The following AMOTL1 variants were observed in gnomAD, a reference collection of about 807,000 sequenced individuals.
AMOTL1 encodes angiomotin like 1.
A neutral mutation model predicts 102.9 loss-of-function variants in AMOTL1; 45 were observed. The observed-to-expected ratio is 0.44, with a 90% CI of 0.34 to 0.56. The LOEUF is 0.56. Ranked by LOEUF, AMOTL1 falls within the 20% of genes least tolerant of loss-of-function variation. The pLI, the probability that AMOTL1 is intolerant of heterozygous loss-of-function variation, is 0.01. For missense variants in AMOTL1, 1,114 were observed against 1,225.6 expected, an observed-to-expected ratio of 0.91 and a Z score of 1.36; for synonymous variants, 481 against 484.7, an observed-to-expected ratio of 0.99 and a Z score of 0.10.
At chr11:94,765,761 C>T (rs1950848042), upstream of AMOTL1, among the ~76,000 whole-genome samples, 1 of 152,212 alleles carries the variant, frequency 6.6e-6, no homozygotes, top group Admixed American at 6.5e-5. Flanking sequence ...TTTCCCAGCT[C>T]TTCTACTTCT....
chr11:94,768,963 C>T (rs970734450), intron 1 of AMOTL1, among the ~76,000 whole-genome samples: 2 of 152,052 alleles, frequency 1.3e-5, no homozygotes, highest in East Asian at 2.0e-4. Flanking sequence ...GCAGCTTTCC[C>T]CGGCGCGAGA....
At chr11:94,854,179 C>T (rs946448428) in intron 8 of AMOTL1, 97 bp downstream of exon 8, 1 of 1,399,828 alleles carries the variant, frequency 7.1e-7, no homozygotes, top group Admixed American at 3.0e-5. Context: ...ACCTTGCTCC[C>T]AGGATTCAGA....
At chr11:94,708,340 C>T (rs549912270) in intron 1 of AMOTL1, among the ~76,000 whole-genome samples, 95 of 152,200 alleles carry the variant, frequency 6.2e-4, no homozygotes, top group Admixed American at 5.0e-3. Context: ...GGCCAGAATG[C>T]GAGAGGATAG....
chr11:94,787,401 A>C lies in AMOTL1; in HGVS notation c.50-7610A>C, dbSNP rs550378162. Among the ~76,000 whole-genome samples the C allele has an allele frequency of 2.0e-5, 3 of 152,262 alleles. No individual in the cohort carries two copies. In the South Asian group the frequency reaches 6.2e-4, roughly 32 times the overall value. On this transcript the variant is annotated intron_variant, in intron 1 of 12. Transcript: ENST00000433060. ...TACATGAGTTACTATAATTCCAGGC[A>C]GATAGTGCTAAGTCATGTAGTACTT...
At chr11:94,717,837 A>G (rs1253694275) in intron 1 of AMOTL1, among the ~76,000 whole-genome samples, 1 of 151,892 alleles carries the variant, frequency 6.6e-6, no homozygotes, top group Non-Finnish European at 1.5e-5. Context: ...AAGAAATTGA[A>G]TAAAAATGGG....
intron 3 of AMOTL1, among the ~76,000 whole-genome samples, chr11:94,748,282 C>G (rs568382921): frequency 2.3e-4 from 35 of 152,324 alleles, no homozygotes; most frequent in African/African-American, 7.9e-4. Context: ...TTCAAGGTGA[C>G]TGTTTCAGCT....
At chr11:94,819,163 T>G (rs1229116501) in intron 3 of AMOTL1, among the ~76,000 whole-genome samples, 1 of 152,216 alleles carries the variant, frequency 6.6e-6, no homozygotes, top group Non-Finnish European at 1.5e-5. Flanking sequence ...CTCATTCATT[T>G]TCTTATAAAA....
At chr11:94,721,484 C>T (rs977513813) in intron 1 of AMOTL1, among the ~76,000 whole-genome samples, 1 of 151,618 alleles carries the variant, frequency 6.6e-6, no homozygotes, top group South Asian at 2.1e-4. Context: ...GGAGGTGGGA[C>T]CTTTGGGAGG....
Position 94,745,787 on chromosome 11 carries a change from A to G in AMOTL1, c.136+4799A>G, listed in dbSNP as rs549137305. 2.0e-5 allele frequency among the ~76,000 whole-genome samples: 3 copies of G among 152,250 alleles called. No homozygotes were observed. The East Asian group carries it at 5.8e-4, about 29-fold the overall frequency. The stretch of plus-strand genomic sequence containing the variant: ...ATTATTATTCATTTAAAACATACTT[A>G]TTTCCCAAGATTGAAGGATAAAATA... On this transcript the variant is annotated intron_variant, in intron 3 of 4. Transcript: ENST00000299004.
chr11:94,813,288 G>T (rs551173594), intron 3 of AMOTL1, among the ~76,000 whole-genome samples: 2 of 152,324 alleles, frequency 1.3e-5, no homozygotes, highest in South Asian at 4.1e-4. Flanking sequence ...AAGTCCAGCA[G>T]ATCCTAACAG....
intron 3 of AMOTL1, among the ~76,000 whole-genome samples, chr11:94,761,676 T>A (rs1340000381): frequency 1.3e-5 from 2 of 152,198 alleles, no homozygotes; most frequent in African/African-American, 2.4e-5. Context: ...ATTTAAGACA[T>A]GAATTTTAAC....
intron 2 of AMOTL1, among the ~76,000 whole-genome samples, chr11:94,796,492 CAATATGGATTG>C (rs1467614676): frequency 1.3e-5 from 2 of 152,044 alleles, no homozygotes; most frequent in Admixed American, 1.3e-4. Flanking sequence ...GGTCATAATG[CAATATGGATTG>C]AAAGGAGAAG....
intron 11 of AMOTL1, among the ~76,000 whole-genome samples, chr11:94,868,388 C>T (rs1565389558): frequency 6.6e-6 from 1 of 152,164 alleles, no homozygotes; most frequent in African/African-American, 2.4e-5. Flanking sequence ...TATCCTCCCA[C>T]CCAGCTTTCC....
At chr11:94,828,576 C>T (rs896554542) in intron 4 of AMOTL1, among the ~76,000 whole-genome samples, 7 of 152,102 alleles carry the variant, frequency 4.6e-5, no homozygotes, top group Non-Finnish European at 7.4e-5. Context: ...CCTGGACTAC[C>T]ATCTCTTTGT....
chr11:94,739,524 A>T (rs1314478214), intron 2 of AMOTL1, among the ~76,000 whole-genome samples: 1 of 152,138 alleles, frequency 6.6e-6, no homozygotes, highest in Non-Finnish European at 1.5e-5. Flanking sequence ...AAAGCCAGAG[A>T]TGGCTGAGTG....
chr11:94,714,815 C>T (rs4548581), intron 1 of AMOTL1, among the ~76,000 whole-genome samples: 70,846 of 151,836 alleles, frequency 0.47, 18,508 homozygotes, highest in Non-Finnish European at 0.58. Context: ...CCACTAATAA[C>T]CAGCTTTTTA....
intron 1 of AMOTL1, among the ~76,000 whole-genome samples, chr11:94,726,286 T>C (rs2135451898): frequency 6.6e-6 from 1 of 152,288 alleles, no homozygotes; most frequent in South Asian, 2.1e-4. Flanking sequence ...TCTATCGGTG[T>C]ACACAAATCT....
intron 1 of AMOTL1, among the ~76,000 whole-genome samples, chr11:94,791,624 T>G (rs1951287395): frequency 6.6e-6 from 1 of 152,122 alleles, no homozygotes; most frequent in Admixed American, 6.5e-5. Flanking sequence ...TGGGCTCCCC[T>G]AAAAACTGGC....
chr11:94,816,496 G>T lies in AMOTL1; in HGVS notation c.1122-5034G>T, dbSNP rs192010901. Among the ~76,000 whole-genome samples, 633 of 152,226 alleles carry T rather than the reference G, an allele frequency of 4.2e-3. 12 individuals are homozygous for T. The highest frequency in any genetic ancestry group is 0.035 in the South Asian group (169 of 4,824). ...AGGGAATAGCAGTGGCACTGCAGAA[G>T]ATCTTTTCTTTTGCCTTTTGGTAAC... is the stretch of plus-strand genomic sequence containing the variant. On this transcript the variant is annotated intron_variant, in intron 3 of 12. Coordinates refer to ENST00000433060, the MANE Select transcript of AMOTL1 (RefSeq NM_130847.3).
Sources: allele counts gnomAD v4.1 joint callset (sites outside exome capture counted in the v4.1 genomes callset), GRCh38; gene constraint gnomAD v4.1.1; transcripts MANE v1.5; gene names NCBI Gene and HGNC (gene_info 2026-07-23, HGNC 2026-07-21).